The following MXRA8 variants were observed in gnomAD, a reference collection of about 807,000 sequenced individuals.
MXRA8 encodes the protein matrix remodeling-associated protein 8.
MXRA8 carries 44 observed loss-of-function variants against 51.4 expected under a neutral mutation model. The observed-to-expected ratio is 0.86, with a 90% CI of 0.67 to 1.10. MXRA8 has a LOEUF of 1.10. Among genes scored for constraint, MXRA8 ranks in the 50% least tolerant of loss-of-function variants. The pLI, the probability that MXRA8 is intolerant of heterozygous loss-of-function variation, is 0.00. For synonymous variants in MXRA8, 369 were observed against 293.5 expected (o/e 1.26, Z -2.63); for missense variants, 765 against 638.9 (o/e 1.20, Z -2.13).
intron 4 of MXRA8, 38 bp from the exon 5 acceptor site, chr1:1,355,190 GCGGC>G: frequency 7.1e-7 from 1 of 1,416,618 alleles, no homozygotes; most frequent in Non-Finnish European, 9.2e-7. Flanking sequence ...GCGGGCCGGG[GCGGC>G]GGTCGAGGGT....
chr1:1,358,419 G>GCCC, intron 1 of MXRA8, 37 bp downstream of exon 1: 3 of 1,581,014 alleles, frequency 1.9e-6, no homozygotes, highest in Non-Finnish European at 2.6e-6. Context: ...AGCCCCACGT[G>GCCC]CCACCCCCCA....
Position 1,356,685 on chromosome 1 carries a change from G to A in MXRA8, c.69C>T (p.His23=). 2 of 1,427,870 alleles carry A rather than the reference G, an allele frequency of 1.4e-6. No homozygotes were observed. The highest frequency in any genetic ancestry group is 1.9e-6 in the Non-Finnish European group (2 of 1,079,058). 88.5% of individuals were successfully genotyped at this position (1,427,870 alleles called of 1,614,324 possible). Residue 23 remains histidine (H), a synonymous_variant, in exon 2 of 10, where the codon CAC becomes CAT. Transcript: ENST00000309212. ...VLLQSSAVLL[H]SGSSVPAAAG... ...GCTGGGGCTGGGGTCACTAACCTGAGTGCAGGAGAACAGCAGAGCCTGGAA... is the reference window on the plus strand; with the variant it reads ...GCTGGGGCTGGGGTCACTAACCTGAATGCAGGAGAACAGCAGAGCCTGGAA...
chr1:1,357,030 G>T (rs1644147679), intron 1 of MXRA8, among the ~76,000 whole-genome samples: 1 of 152,146 alleles, frequency 6.6e-6, no homozygotes, highest in African/African-American at 2.4e-5. Context: ...CACCAAGGAG[G>T]CTGGATCTGT....
chr1:1,353,697 C>A, intron 9 of MXRA8, 68 bp from the exon 10 acceptor site: 1 of 1,511,434 alleles, frequency 6.6e-7, no homozygotes, highest in Middle Eastern at 1.7e-4. Flanking sequence ...AGACACAGGG[C>A]AGACCCCCCC....
chr1:1,359,013 C>T (rs889289708), upstream of MXRA8: 4 of 985,490 alleles, frequency 4.1e-6, no homozygotes, highest in Non-Finnish European at 4.8e-6. Flanking sequence ...CTGGTGCTCT[C>T]CTTCAGACCA....
chr1:1,355,767 G>T lies in MXRA8; in HGVS notation c.74-15C>A. 1 of 1,275,048 alleles carries T rather than the reference G, an allele frequency of 7.8e-7. No individual in the cohort carries two copies. The highest frequency in any genetic ancestry group is 9.8e-7 in the Non-Finnish European group (1 of 1,015,768). 79.0% of individuals were successfully genotyped at this position (1,275,048 alleles called of 1,614,324 possible). On this transcript the variant is annotated splice_polypyrimidine_tract_variant and intron_variant, in intron 2 of 9. Transcript: ENST00000309212. ...TACCGAGGACCCTGGTGGGGGAGGG[G>T]AGTCGGTGGGGGAAGGGGTGGGCCC... is the stretch of plus-strand genomic sequence containing the variant.
At chr1:1,361,245 T>G, upstream of MXRA8, 1 of 703,512 alleles carries the variant, frequency 1.4e-6, no homozygotes, top group South Asian at 1.5e-5. Context: ...CACGGACCTG[T>G]GGCCGCACAG....
upstream of MXRA8, chr1:1,358,921 C>G: frequency 2.0e-6 from 2 of 1,002,256 alleles, no homozygotes; most frequent in Non-Finnish European, 2.4e-6. Flanking sequence ...TGAGCCACCT[C>G]AGGGCAGGGT....
upstream of MXRA8, among the ~76,000 whole-genome samples, chr1:1,360,566 C>T (rs1434864378): frequency 2.0e-5 from 3 of 152,164 alleles, no homozygotes; most frequent in Non-Finnish European, 4.4e-5. Context: ...ATTTTTCTCC[C>T]TCTGGGAAGA....
upstream of MXRA8, among the ~76,000 whole-genome samples, chr1:1,360,969 CAG>C (rs1008794627): frequency 3.2e-4 from 38 of 119,090 alleles, no homozygotes; most frequent in South Asian, 9.0e-4. Flanking sequence ...CGGAGACACA[CAG>C]AGATACACGG....
At chr1:1,360,265 G>A (rs1644204265), upstream of MXRA8, among the ~76,000 whole-genome samples, 1 of 152,198 alleles carries the variant, frequency 6.6e-6, no homozygotes, top group Non-Finnish European at 1.5e-5. Context: ...AGAGGGCCCT[G>A]ACCTCTGAGA....
At chr1:1,355,406 G>A in intron 3 of MXRA8, 44 bp downstream of exon 3, 1 of 1,505,422 alleles carries the variant, frequency 6.6e-7, no homozygotes. Context: ...CGCGGCCCCG[G>A]ACCCCTGCCC....
At chr1:1,358,576 T>G (rs1444981644), upstream of MXRA8, 1 of 1,544,834 alleles carries the variant, frequency 6.5e-7, no homozygotes, top group Non-Finnish European at 8.7e-7. Flanking sequence ...CCCTACCCCC[T>G]CCCCCTCCTT....
In MXRA8 at chr1:1,353,004, G is replaced by A; in HGVS notation, c.*600C>T. On this transcript the variant is annotated 3_prime_UTR_variant, in exon 10 of 10. Coordinates refer to ENST00000309212, the MANE Select transcript of MXRA8 (RefSeq NM_032348.4). ...AGGTGGCCCAAAGCAACACAGAGGA[G>A]CAAGGGCTGGCATTCAAGTCAGCAG... The A allele has an allele frequency of 3.7e-6, 2 of 535,164 alleles. No individual in the cohort carries two copies. Among genetic ancestry groups the A allele is most frequent in the South Asian group, 2.3e-5 (1 of 43,442 alleles). 33.2% of individuals were successfully genotyped at this position (535,164 alleles called of 1,614,324 possible).
rs771171134 is a variant in MXRA8, at chr1:1,354,884, G to C, written c.747C>G (p.Ala249=). The change falls in exon 5 of 10, where the codon GCC becomes GCG. Residue 249 remains alanine, a synonymous_variant. Coordinates refer to ENST00000309212, the MANE Select transcript of MXRA8 (RefSeq NM_032348.4). ...GCAGTGAGAAGTCACCGCGCTCAAA[G>C]GCATCCGCGCCCACAGCCACGCGGT... ...LRDRVAVGAD[A]FERGDFSLRI... is the part of the protein sequence containing the mutation. The C allele has an allele frequency of 4.2e-5, 68 of 1,611,482 alleles. No homozygotes were observed. The highest frequency in any genetic ancestry group is 8.3e-5 in the Admixed American group (5 of 59,934).
intron 2 of MXRA8, 31 bp from the exon 3 acceptor site, chr1:1,355,783 G>GTC (rs1440117243): frequency 8.0e-7 from 1 of 1,251,150 alleles, no homozygotes; most frequent in African/African-American, 1.6e-5. Context: ...GTGGGGGAAG[G>GTC]GGTGGGCCCC....
upstream of MXRA8, chr1:1,359,349 T>C: frequency 1.0e-6 from 1 of 985,396 alleles, no homozygotes. Flanking sequence ...AGGCACAAAT[T>C]TGAAACTGTG....
At chr1:1,363,173 C>T (rs1279634068), upstream of MXRA8, among the ~76,000 whole-genome samples, 4 of 152,106 alleles carry the variant, frequency 2.6e-5, no homozygotes, top group Admixed American at 2.0e-4. Flanking sequence ...GTCCGAGCTA[C>T]TCCAAGGGCT....
At chr1:1,357,190 G>A (rs562933370) in intron 1 of MXRA8, among the ~76,000 whole-genome samples, 1 of 152,326 alleles carries the variant, frequency 6.6e-6, no homozygotes, top group South Asian at 2.1e-4. Context: ...AATGTGGGTC[G>A]TGACCCCGGC....
Sources: gnomAD v4.1 joint callset for allele counts (sites outside exome capture counted in the v4.1 genomes callset) on GRCh38, gnomAD v4.1.1 for gene constraint, MANE v1.5 for transcripts, NCBI Gene and HGNC (gene_info 2026-07-23, HGNC 2026-07-21) for gene names.